The following ETV5 variants were observed in gnomAD, a reference collection of about 807,000 sequenced individuals.
The protein encoded by ETV5 is ETS translocation variant 5.
Under a neutral mutation model 70.0 loss-of-function variants are expected in ETV5, and 10 were observed. That is an observed-to-expected ratio of 0.14 (90% CI 0.09 to 0.24). The LOEUF (loss-of-function observed/expected upper bound fraction) is 0.24. Ranked by LOEUF, ETV5 falls within the 10% of genes least tolerant of loss-of-function variation. The probability of loss-of-function intolerance (pLI) is 1.00; values close to 1 mark genes in which losing one functional copy is unlikely to be tolerated. For missense variants in ETV5, 453 were observed against 651.2 expected (o/e 0.70, Z 3.31); for synonymous variants, 216 against 242.2 (o/e 0.89, Z 1.01).
intron 5 of ETV5, among the ~76,000 whole-genome samples, chr3:186,083,645 A>AC: frequency 6.6e-6 from 1 of 152,310 alleles, no homozygotes; most frequent in South Asian, 2.1e-4. Context: ...AGTACCTTCT[A>AC]CCCCAAAACG....
At chr3:186,070,010 C>T (rs190754996) in intron 7 of ETV5, among the ~76,000 whole-genome samples, 4 of 152,108 alleles carry the variant, frequency 2.6e-5, no homozygotes, top group Non-Finnish European at 5.9e-5. Context: ...TAGGGTTTCA[C>T]CACATTGGCC....
At chr3:186,074,741 T>C (rs763815416) in intron 7 of ETV5, among the ~76,000 whole-genome samples, 36 of 151,552 alleles carry the variant, frequency 2.4e-4, no homozygotes, top group Non-Finnish European at 4.1e-4. Flanking sequence ...TGGTGAAACC[T>C]TGTCTCTACT....
chr3:186,070,270 G>A (rs1161077144), intron 7 of ETV5, among the ~76,000 whole-genome samples: 3 of 152,136 alleles, frequency 2.0e-5, no homozygotes, highest in African/African-American at 2.4e-5. Flanking sequence ...TGATAGCTCC[G>A]AGATGGCATG....
chr3:186,097,884 C>G (rs975838204), intron 5 of ETV5, among the ~76,000 whole-genome samples: 3 of 152,172 alleles, frequency 2.0e-5, no homozygotes, highest in African/African-American at 7.2e-5. Flanking sequence ...ACAATGGGGT[C>G]TGGTTATTCA....
In ETV5 at chr3:186,057,482, T is replaced by A; in HGVS notation, c.980A>T (p.Tyr327Phe). 6.2e-7 allele frequency: 1 copy of A among 1,613,894 alleles called. No homozygotes were observed. Among genetic ancestry groups the A allele is most frequent in the Non-Finnish European group, 8.5e-7 (1 of 1,179,796 alleles). Residue 327 changes from tyrosine to phenylalanine, a missense_variant, in exon 10 of 13, where the codon TAT becomes TTT. Around this residue, in one of 4 missense-constraint regions of ETV5, gnomAD observed 307 missense variants for 344.9 expected, o/e 0.89. Coordinates refer to ENST00000306376, the MANE Select transcript of ETV5 (RefSeq NM_004454.3). This position sits in a 1 kb window ranked among gnomAD's most constrained non-coding sequence, Gnocchi z 4.9. ...AAAGTATAATCGGGGATCTTTTTCA[T>A]ATGAAAAACCTGAAAGAGAATTTAA... Reference protein sequence around the residue: ...YFSSSHEGFSYEKDPRLYFDD... With the variant: ...YFSSSHEGFSFEKDPRLYFDD...
intron 1 of ETV5, among the ~76,000 whole-genome samples, chr3:186,106,183 A>C (rs1250343398): frequency 6.6e-6 from 1 of 152,300 alleles, no homozygotes; most frequent in East Asian, 1.9e-4. Flanking sequence ...TCTTATTTAA[A>C]TCATTAAAAT....
chr3:186,084,266 G>C (rs779176928), intron 5 of ETV5: 1 of 381,066 alleles, frequency 2.6e-6, no homozygotes, highest in South Asian at 1.9e-5. Context: ...TCTTGAGGAA[G>C]TTTGAAAAGA....
chr3:186,105,464 C>A lies in ETV5; in HGVS notation c.166G>T (p.Ala56Ser). ...TGAAACTTGCCTTCAGCTAACCAAG[C>A]CTCTTGAAGTTGACTGAGATCCTGA... ...LFQDLSQLQEAWLAEAQVPDD... is the reference protein window; with the variant it reads ...LFQDLSQLQESWLAEAQVPDD... Residue 56 changes from alanine to serine, a missense_variant, in exon 4 of 13, where the codon GCT (alanine) becomes TCT (serine). Physicochemically the swap from Ala to Ser is moderately conservative, Grantham distance 99. This residue lies in a region of ETV5 where 47 missense variants were observed against 96.8 expected (regional missense o/e 0.49). Coordinates refer to ENST00000306376, the MANE Select transcript of ETV5 (RefSeq NM_004454.3). The surrounding 1 kb of genome is among the most constrained non-coding windows in gnomAD (Gnocchi z 4.5). 1.9e-6 allele frequency: 3 copies of A among 1,614,106 alleles called. No individual in the cohort carries two copies. Among genetic ancestry groups the A allele is most frequent in the Non-Finnish European group, 1.7e-6 (2 of 1,180,020 alleles).
chr3:186,105,246 G>A lies in ETV5; in HGVS notation c.232+59C>T, dbSNP rs1714560284. The A allele has an allele frequency of 4.8e-6, 7 of 1,446,904 alleles. No homozygotes were observed. In the East Asian group the frequency reaches 1.6e-4, roughly 33 times the overall value. 89.6% of individuals were successfully genotyped at this position (1,446,904 alleles called of 1,614,324 possible). A position where few individuals can be genotyped will look rare whatever the true frequency, so the allele number is the denominator to read the frequency against. On this transcript the variant is annotated intron_variant, in intron 5 of 12. Transcript: ENST00000306376. The surrounding 1 kb of genome is among the most constrained non-coding windows in gnomAD (Gnocchi z 4.5). Reference sequence around the variant, plus strand: ...GCTGAAAAAAGCATATTCTAGACATGGATGATCTAAGACCAAACAATTTCA... The same window carrying A: ...GCTGAAAAAAGCATATTCTAGACATAGATGATCTAAGACCAAACAATTTCA...
rs146093207 is a variant in ETV5, at chr3:186,054,737, T to C, written c.1209+2338A>G. ...TTCAAGCTCCCCCATGACGACTTCT[T>C]ACAGCTTTTTCCAGAAGCTGGTATC... is the stretch of plus-strand genomic sequence containing the variant. On this transcript the variant is annotated intron_variant, in intron 11 of 12. Transcript: ENST00000306376. The surrounding 1 kb of genome is among the most constrained non-coding windows in gnomAD (Gnocchi z 4.4). 6.6e-6 allele frequency among the ~76,000 whole-genome samples: 1 copy of C among 152,082 alleles called. No individual in the cohort carries two copies. Among genetic ancestry groups the C allele is most frequent in the African/African-American group, 2.4e-5 (1 of 41,404 alleles).
Position 186,080,097 on chromosome 3 carries a change from C to G in ETV5, c.370G>C (p.Asp124His). ...TTGAACCCAGAGGGAGGCTTCCTAT[C>G]ATAGGCACTGTAAACAGAAAAAGAG... Reference protein sequence around the residue: ...EKCLYNYCAYDRKPPSGFKPL... With the variant: ...EKCLYNYCAYHRKPPSGFKPL... Residue 124 changes from aspartate (D) to histidine (H), a missense_variant, in exon 7 of 13, where the codon GAT (aspartate) becomes CAT (histidine). This residue lies in a region of ETV5 where 307 missense variants were observed against 344.9 expected (regional missense o/e 0.89). Transcript: ENST00000306376. 1.3e-6 allele frequency: 2 copies of G among 1,481,780 alleles called. No individual in the cohort carries two copies. The highest frequency in any genetic ancestry group is 1.4e-5 in the African/African-American group (1 of 69,112). 91.8% of individuals were successfully genotyped at this position (1,481,780 alleles called of 1,614,324 possible).
intron 8 of ETV5, among the ~76,000 whole-genome samples, chr3:186,065,118 A>G (rs915504296): frequency 1.3e-5 from 2 of 152,146 alleles, no homozygotes; most frequent in South Asian, 4.1e-4. Context: ...GTCCATCGAG[A>G]CGAAAGACAG....
intron 5 of ETV5, among the ~76,000 whole-genome samples, chr3:186,088,230 G>T (rs541289944): frequency 1.3e-5 from 2 of 152,310 alleles, no homozygotes; most frequent in East Asian, 3.9e-4. Flanking sequence ...AGTTCACATG[G>T]AAAGTTGTGT....
intron 5 of ETV5, among the ~76,000 whole-genome samples, chr3:186,087,505 C>A (rs75135487): frequency 1.3e-5 from 2 of 152,088 alleles, no homozygotes; most frequent in African/African-American, 2.4e-5. Context: ...AAAAAAGCAG[C>A]CTGGTCCTCA....
chr3:186,086,708 C>A (rs373141118), intron 5 of ETV5, among the ~76,000 whole-genome samples: 408 of 151,924 alleles, frequency 2.7e-3, no homozygotes, highest in African/African-American at 9.4e-3. Flanking sequence ...GTAATCCCAG[C>A]ACTTTGGGAG....
chr3:186,080,867 GC>G, intron 6 of ETV5, 178 bp downstream of exon 6: 1 of 611,486 alleles, frequency 1.6e-6, no homozygotes, highest in South Asian at 2.4e-5. Flanking sequence ...TCTTTTGTGT[GC>G]AGTACAATGA....
intron 7 of ETV5, among the ~76,000 whole-genome samples, chr3:186,076,040 T>C (rs1004661807): frequency 6.6e-6 from 1 of 152,150 alleles, no homozygotes; most frequent in African/African-American, 2.4e-5. Context: ...ACATCATAAA[T>C]AACACAATGA....
In ETV5 at chr3:186,052,307, G is replaced by T. The variant is rs74607992; in HGVS notation, c.1210-176C>A. Among the ~76,000 whole-genome samples the T allele has an allele frequency of 0.034, 5,234 of 152,284 alleles. 113 individuals are homozygous for T. The highest frequency in any genetic ancestry group is 0.049 in the Non-Finnish European group (3,334 of 68,020). ...AGACCAAACATTCAACAAAGGCGATGATTCAGTGACAACTACTAGGAGGTG... is the reference window on the plus strand; with the variant it reads ...AGACCAAACATTCAACAAAGGCGATTATTCAGTGACAACTACTAGGAGGTG... On this transcript the variant is annotated intron_variant, in intron 11 of 12. Transcript: ENST00000306376. The surrounding 1 kb of genome is among the most constrained non-coding windows in gnomAD (Gnocchi z 4.5).
chr3:186,051,560 G>GT (rs1308187186), intron 12 of ETV5, among the ~76,000 whole-genome samples: 11 of 152,214 alleles, frequency 7.2e-5, no homozygotes, highest in African/African-American at 2.2e-4. Flanking sequence ...TCCAGTTTCT[G>GT]TAAGTCTGAA....
Sources: allele counts gnomAD v4.1 joint callset (sites outside exome capture counted in the v4.1 genomes callset), GRCh38; gene constraint gnomAD v4.1.1; regional missense constraint gnomAD v4.1.1; non-coding constraint Gnocchi (gnomAD v3.1); transcripts MANE v1.5; gene names NCBI Gene and HGNC (gene_info 2026-07-23, HGNC 2026-07-21).